The following MAPK8 variants were observed in gnomAD, a reference collection of about 807,000 sequenced individuals.
The protein encoded by MAPK8 is mitogen-activated protein kinase 8.
A neutral mutation model predicts 52.9 loss-of-function variants in MAPK8; 13 were observed. The observed-to-expected ratio is 0.25, with a 90% CI of 0.16 to 0.39. The LOEUF is 0.39. Among genes scored for constraint, MAPK8 ranks in the 10% least tolerant of loss-of-function variants. The probability of loss-of-function intolerance (pLI) is 1.00; values close to 1 mark genes in which losing one functional copy is unlikely to be tolerated. For synonymous variants in MAPK8, 191 were observed against 169.8 expected (o/e 1.12, Z -0.97); for missense variants, 300 against 519.2 (o/e 0.58, Z 4.10).
intron 1 of MAPK8, among the ~76,000 whole-genome samples, chr10:48,321,858 A>G (rs963024709): frequency 5.9e-5 from 9 of 152,140 alleles, no homozygotes; most frequent in Non-Finnish European, 1.0e-4. Flanking sequence ...CTATGTGTCT[A>G]TTCTTAGGTT....
At chr10:48,398,341 C>T (rs749834763) in intron 1 of MAPK8, among the ~76,000 whole-genome samples, 1 of 151,842 alleles carries the variant, frequency 6.6e-6, no homozygotes, top group Non-Finnish European at 1.5e-5. Context: ...ACATAAACGG[C>T]ATATAAGCCC....
chr10:48,324,503 G>GTTGTTTTTTTTTTTTT (rs1843291568), intron 1 of MAPK8, among the ~76,000 whole-genome samples: 1 of 118,020 alleles, frequency 8.5e-6, no homozygotes, highest in Non-Finnish European at 1.7e-5. Context: ...CTGTTTTCTA[G>GTTGTTTTTTTTTTTTT]TTTTTTTTTT....
chr10:48,425,328 A>G (rs2043614292), intron 7 of MAPK8: 1 of 568,756 alleles, frequency 1.8e-6, no homozygotes, highest in Non-Finnish European at 3.2e-6. Flanking sequence ...CTTTTTTATA[A>G]GGGTCAGAGC....
chr10:48,330,811 C>T (rs551179706), intron 1 of MAPK8, among the ~76,000 whole-genome samples: 1 of 152,300 alleles, frequency 6.6e-6, no homozygotes, highest in East Asian at 1.9e-4. Context: ...CCCCCCGTAA[C>T]TTTCAATTTC....
chr10:48,311,840 C>G (rs1033804890), intron 1 of MAPK8, among the ~76,000 whole-genome samples: 2 of 152,192 alleles, frequency 1.3e-5, no homozygotes, highest in Admixed American at 1.3e-4. Flanking sequence ...TGTTCCTTCT[C>G]AAGAGCATCT....
At chr10:48,424,671 G>C (rs2043566065) in intron 7 of MAPK8, 1 of 776,148 alleles carries the variant, frequency 1.3e-6, no homozygotes, top group South Asian at 2.2e-5. Flanking sequence ...AATGTATTTT[G>C]TCTCTCCCTA....
At chr10:48,398,353 T>A (rs947751239) in intron 1 of MAPK8, among the ~76,000 whole-genome samples, 6 of 152,156 alleles carry the variant, frequency 3.9e-5, no homozygotes, top group Non-Finnish European at 1.5e-5. Context: ...TATAAGCCCA[T>A]GAAAAGGTGC....
In MAPK8 at chr10:48,427,359, GCT is replaced by G. The variant is rs368466217; in HGVS notation, c.1060+219_1060+220del. On this transcript the variant is annotated intron_variant, in intron 10 of 11. Transcript: ENST00000374189. Reference sequence around the variant, plus strand: ...CCACCCCAGACACAGACACATTAGTGCTCTGTCTCATATTTTTTTCCATGGTT... The same window carrying G: ...CCACCCCAGACACAGACACATTAGTGCTGTCTCATATTTTTTTCCATGGTT... The G allele has an allele frequency of 8.6e-4, 378 of 439,132 alleles. 4 individuals carry two copies. In the East Asian group the frequency reaches 0.014, roughly 16 times the overall value. 27.2% of individuals were successfully genotyped at this position (439,132 alleles called of 1,614,324 possible).
intron 5 of MAPK8, among the ~76,000 whole-genome samples, chr10:48,412,681 G>A (rs574456826): frequency 2.6e-5 from 4 of 152,298 alleles, no homozygotes; most frequent in African/African-American, 9.6e-5. Flanking sequence ...CACTGAAAAT[G>A]TGGCTGCTTT....
At chr10:48,390,176 T>C (rs1034062193) in intron 1 of MAPK8, among the ~76,000 whole-genome samples, 1 of 152,150 alleles carries the variant, frequency 6.6e-6, no homozygotes, top group Non-Finnish European at 1.5e-5. Flanking sequence ...TTCCCACTTA[T>C]TCATACTTTT....
chr10:48,352,694 A>G (rs923772474), intron 1 of MAPK8, among the ~76,000 whole-genome samples: 6 of 152,218 alleles, frequency 3.9e-5, no homozygotes, highest in Non-Finnish European at 8.8e-5. Context: ...TCCCCTTATG[A>G]TTGGAAACAA....
Position 48,366,878 on chromosome 10 carries a change from T to A in MAPK8, c.-49-34734T>A, listed in dbSNP as rs982869780. On this transcript the variant is annotated intron_variant, in intron 1 of 11. Transcript: ENST00000374189. Reference sequence around the variant, plus strand: ...TTAGTGCAGTTTAGTAGCTGGCTTTTAAAAAAAAAAAATTGCTTTCTAGAA... The same window carrying A: ...TTAGTGCAGTTTAGTAGCTGGCTTTAAAAAAAAAAAAATTGCTTTCTAGAA... Among the ~76,000 whole-genome samples, 72 of 147,414 alleles carry A rather than the reference T, an allele frequency of 4.9e-4. 1 individual carries two copies. Among genetic ancestry groups the A allele is most frequent in the South Asian group, 1.9e-3 (9 of 4,690 alleles).
intron 1 of MAPK8, among the ~76,000 whole-genome samples, chr10:48,377,780 T>A (rs2040760597): frequency 6.6e-6 from 1 of 152,146 alleles, no homozygotes. Flanking sequence ...ATAAATAAAC[T>A]AAATTGTTTG....
intron 10 of MAPK8, chr10:48,427,389 T>C (rs1224697913): frequency 2.6e-6 from 1 of 389,632 alleles, no homozygotes; most frequent in African/African-American, 2.0e-5. Flanking sequence ...CCATGGTTTG[T>C]GAATACACAA....
chr10:48,346,472 G>C (rs1234287916), intron 1 of MAPK8, among the ~76,000 whole-genome samples: 2 of 152,242 alleles, frequency 1.3e-5, no homozygotes, highest in Admixed American at 6.5e-5. Flanking sequence ...GAAGACGCCC[G>C]TTACCAGGCG....
intron 1 of MAPK8, among the ~76,000 whole-genome samples, chr10:48,327,744 G>A (rs1320864706): frequency 6.6e-6 from 1 of 152,138 alleles, no homozygotes; most frequent in African/African-American, 2.4e-5. Context: ...GTTAATAACT[G>A]TTGATTCAAT....
At position 48,435,410 on chromosome 10, in the gene MAPK8, A is replaced by C. The variant is rs1057124333; in HGVS notation, c.*381A>C. 1.2e-5 allele frequency: 2 copies of C among 162,556 alleles called. No homozygotes were observed. Among genetic ancestry groups the C allele is most frequent in the African/African-American group, 2.4e-5 (1 of 41,876 alleles). 10.1% of individuals were successfully genotyped at this position (162,556 alleles called of 1,614,324 possible). On this transcript the variant is annotated 3_prime_UTR_variant, in exon 12 of 12. Transcript: ENST00000374189. ...GACTTGCCTATATCATGAATTATTT[A>C]AGATTTTTATAGTTTTTTTTAATTA... is the stretch of plus-strand genomic sequence containing the variant.
chr10:48,320,930 T>C (rs1315261526), intron 1 of MAPK8, among the ~76,000 whole-genome samples: 2 of 152,172 alleles, frequency 1.3e-5, no homozygotes, highest in Admixed American at 1.3e-4. Context: ...AGTGAAGTGA[T>C]AGCCCATTGT....
intron 1 of MAPK8, among the ~76,000 whole-genome samples, chr10:48,370,129 A>C (rs770675199): frequency 3.3e-5 from 5 of 152,190 alleles, no homozygotes; most frequent in Non-Finnish European, 7.4e-5. Context: ...GCACTATTAC[A>C]TTGTAATGGT....
Sources: allele counts gnomAD v4.1 joint callset (sites outside exome capture counted in the v4.1 genomes callset), GRCh38; gene constraint gnomAD v4.1.1; transcripts MANE v1.5; gene names NCBI Gene and HGNC (gene_info 2026-07-23, HGNC 2026-07-21).